The following ELF1 variants were observed in gnomAD, a reference collection of about 807,000 sequenced individuals.
The protein encoded by ELF1 is E74 like ETS transcription factor 1, also known as ETS-related transcription factor Elf-1.
Under a neutral mutation model 59.9 loss-of-function variants are expected in ELF1, and 24 were observed. The observed-to-expected ratio is 0.40, with a 90% CI of 0.29 to 0.56. The LOEUF is 0.56. ELF1 is among the 20% of genes least tolerant of loss of function. ELF1 has a pLI of 0.44. For missense variants in ELF1, 627 were observed against 742.2 expected (o/e 0.84, Z 1.80); for synonymous variants, 248 against 266.2 (o/e 0.93, Z 0.67).
intron 7 of ELF1, among the ~76,000 whole-genome samples, chr13:40,942,350 A>T (rs1164234593): frequency 6.6e-6 from 1 of 152,244 alleles, no homozygotes; most frequent in Non-Finnish European, 1.5e-5. Flanking sequence ...TTTCTCAAAT[A>T]CATGCGTATC....
At chr13:40,935,470 A>G (rs1358752389) in intron 8 of ELF1, among the ~76,000 whole-genome samples, 2 of 152,220 alleles carry the variant, frequency 1.3e-5, no homozygotes, top group Admixed American at 6.5e-5. Context: ...CTTGGTGGAA[A>G]GATGAAACAA....
exon 1 of ELF1, chr13:41,061,309 A>G (rs1036370305): frequency 2.6e-5 from 10 of 379,030 alleles, no homozygotes; most frequent in Admixed American, 1.3e-4. Flanking sequence ...CCAGGGGAGG[A>G]CACAGAGACG....
At chr13:40,993,252 G>A in intron 1 of ELF1, 1 of 1,580,114 alleles carries the variant, frequency 6.3e-7, no homozygotes, top group Non-Finnish European at 8.7e-7. Context: ...AAAAGCAACA[G>A]ATGTTGTTGG....
rs139529249 is a variant in ELF1 at position 41,014,792 on chromosome 13, C to T, written c.-229+4436G>A. 1.7e-3 allele frequency among the ~76,000 whole-genome samples: 252 copies of T among 152,142 alleles called. 1 individual carries two copies. The highest frequency in any genetic ancestry group is 5.8e-3 in the African/African-American group (242 of 41,542). On this transcript the variant is annotated intron_variant, in intron 1 of 8. Coordinates refer to ENST00000239882, the MANE Select transcript of ELF1 (RefSeq NM_172373.4). The stretch of plus-strand genomic sequence containing the variant: ...GAGGGGAATTTTCTTCTCATTTATC[C>T]AAGTCAGTGAATACCTAACAATGTC...
intron 1 of ELF1, among the ~76,000 whole-genome samples, chr13:41,056,491 C>T (rs887615172): frequency 5.9e-5 from 9 of 152,160 alleles, no homozygotes; most frequent in South Asian, 2.1e-4. Context: ...TGGGTACACA[C>T]CTAGGAGTGG....
At chr13:40,956,416 C>G (rs1871434407) in intron 3 of ELF1, among the ~76,000 whole-genome samples, 1 of 151,722 alleles carries the variant, frequency 6.6e-6, no homozygotes, top group Non-Finnish European at 1.5e-5. Flanking sequence ...TCTCAAGTAC[C>G]CAGGGACACA....
At chr13:41,014,924 A>T (rs1175934860) in intron 1 of ELF1, among the ~76,000 whole-genome samples, 2 of 151,430 alleles carry the variant, frequency 1.3e-5, no homozygotes, top group African/African-American at 4.9e-5. Flanking sequence ...TTACAGGGTT[A>T]AAAAAAAAGT....
intron 2 of ELF1, among the ~76,000 whole-genome samples, chr13:40,963,488 G>T (rs550608950): frequency 1.8e-4 from 27 of 152,274 alleles, no homozygotes; most frequent in African/African-American, 6.0e-4. Context: ...ATCATGAAAG[G>T]CATGGTCCAT....
At chr13:40,993,371 G>A in intron 1 of ELF1, 1 of 1,022,710 alleles carries the variant, frequency 9.8e-7, no homozygotes, top group Admixed American at 1.7e-5. Context: ...GCCTGCAGGT[G>A]TGGGCAGTGC....
At chr13:40,934,416 C>CTTTT (rs10692930) in intron 8 of ELF1, among the ~76,000 whole-genome samples, 102 of 102,424 alleles carry the variant, frequency 1.0e-3, no homozygotes, top group Non-Finnish European at 1.1e-3. Flanking sequence ...TTCATTCCTG[C>CTTTT]TTTTTTTTTT....
intron 5 of ELF1, among the ~76,000 whole-genome samples, chr13:40,945,573 T>G (rs1158854588): frequency 1.3e-5 from 2 of 152,234 alleles, no homozygotes; most frequent in African/African-American, 2.4e-5. Context: ...CCTAGATTTA[T>G]TGTAGCTGAA....
At chr13:40,941,941 G>C (rs1870200159) in intron 7 of ELF1, among the ~76,000 whole-genome samples, 1 of 152,030 alleles carries the variant, frequency 6.6e-6, no homozygotes, top group Admixed American at 6.6e-5. Flanking sequence ...TTATAGAAGC[G>C]AGCCACCACA....
chr13:41,037,567 C>T (rs764293827), intron 1 of ELF1, among the ~76,000 whole-genome samples: 47 of 152,042 alleles, frequency 3.1e-4, no homozygotes, highest in South Asian at 2.1e-4. Flanking sequence ...GAGACCGAGG[C>T]GGATGGATCA....
At chr13:41,023,291 A>T (rs1221570773), upstream of ELF1, among the ~76,000 whole-genome samples, 1 of 152,220 alleles carries the variant, frequency 6.6e-6, no homozygotes, top group Non-Finnish European at 1.5e-5. Context: ...TAGTACAAAA[A>T]TACAGAATAC....
Position 40,943,161 on chromosome 13 carries a change from T to G in ELF1, c.614-17A>C. 6.7e-7 allele frequency: 1 copy of G among 1,496,150 alleles called. No homozygotes were observed. Among genetic ancestry groups the G allele is most frequent in the Non-Finnish European group, 9.0e-7 (1 of 1,115,106 alleles). The allele number at this position is 1,496,150 out of a possible 1,614,324, so 92.7% of individuals were successfully genotyped here. ...TTGTGTTTCCTGAAACAAAAACAAT[T>G]TCTTTCTAAATGACCAAAATTTCAT... On this transcript the variant is annotated splice_polypyrimidine_tract_variant and intron_variant, in intron 6 of 8. Coordinates refer to ENST00000239882, the MANE Select transcript of ELF1 (RefSeq NM_172373.4).
chr13:41,006,456 G>A (rs1359171058), intron 1 of ELF1, among the ~76,000 whole-genome samples: 1 of 152,100 alleles, frequency 6.6e-6, no homozygotes, highest in Non-Finnish European at 1.5e-5. Context: ...GGGCAGGATG[G>A]GGAGTGAGTT....
intron 1 of ELF1, among the ~76,000 whole-genome samples, chr13:41,018,189 T>C (rs1470870599): frequency 6.6e-6 from 1 of 152,144 alleles, no homozygotes; most frequent in Non-Finnish European, 1.5e-5. Flanking sequence ...CATATTCCAA[T>C]TTTATCTTCA....
intron 1 of ELF1, among the ~76,000 whole-genome samples, chr13:41,018,825 A>C (rs1566191156): frequency 1.3e-5 from 2 of 152,230 alleles, no homozygotes; most frequent in Admixed American, 6.5e-5. Flanking sequence ...CTGGATATTT[A>C]ACATCTATAT....
At chr13:41,022,499 T>C (rs1875725768), upstream of ELF1, among the ~76,000 whole-genome samples, 1 of 152,184 alleles carries the variant, frequency 6.6e-6, no homozygotes, top group Non-Finnish European at 1.5e-5. Context: ...ATGACTTATG[T>C]ACATTGTCAA....
Sources: allele counts gnomAD v4.1 joint callset (sites outside exome capture counted in the v4.1 genomes callset), GRCh38; gene constraint gnomAD v4.1.1; transcripts MANE v1.5; gene names NCBI Gene and HGNC (gene_info 2026-07-23, HGNC 2026-07-21).